The following SLC25A13 variants were observed in gnomAD, a reference collection of about 807,000 sequenced individuals.
SLC25A13 encodes solute carrier family 25 member 13.
A neutral mutation model predicts 85.5 loss-of-function variants in SLC25A13; 70 were observed. The ratio of observed to expected loss-of-function variants is 0.82; its 90% CI spans 0.68 to 1.00. SLC25A13 has a LOEUF of 1.00. Among genes scored for constraint, SLC25A13 ranks in the 50% least tolerant of loss-of-function variants. The pLI is 0.00. For synonymous variants in SLC25A13, 259 were observed against 288.7 expected (o/e 0.90, Z 1.04); for missense variants, 765 against 819.8 (o/e 0.93, Z 0.82).
intron 14 of SLC25A13, among the ~76,000 whole-genome samples, chr7:96,145,374 G>T (rs1022891817): frequency 6.6e-6 from 1 of 152,118 alleles, no homozygotes; most frequent in Non-Finnish European, 1.5e-5. Flanking sequence ...ACTAATTCTG[G>T]ATGTTTACTG....
At chr7:96,282,091 C>A (rs75822102) in intron 2 of SLC25A13, among the ~76,000 whole-genome samples, 3,036 of 152,220 alleles carry the variant, frequency 0.02, 102 homozygotes, top group African/African-American at 0.068. Context: ...TGAGCTGAAG[C>A]CTTCCTCCCT....
intron 11 of SLC25A13, among the ~76,000 whole-genome samples, chr7:96,174,160 A>G (rs1234451735): frequency 6.6e-6 from 1 of 152,218 alleles, no homozygotes; most frequent in Non-Finnish European, 1.5e-5. Flanking sequence ...GGTCCCACTG[A>G]GGCCAGCCTC....
At chr7:96,201,417 C>G (rs1019014415) in intron 5 of SLC25A13, among the ~76,000 whole-genome samples, 2 of 150,180 alleles carry the variant, frequency 1.3e-5, no homozygotes, top group East Asian at 4.0e-4. Flanking sequence ...GAGGCTGAGG[C>G]AGGAGAATCA....
intron 3 of SLC25A13, among the ~76,000 whole-genome samples, chr7:96,258,762 T>A (rs1337482553): frequency 6.6e-6 from 1 of 152,094 alleles, no homozygotes; most frequent in Non-Finnish European, 1.5e-5. Flanking sequence ...GCCAACACAA[T>A]CCTAAGCAAC....
chr7:96,127,290 C>T (rs545130684), intron 15 of SLC25A13, among the ~76,000 whole-genome samples: 2 of 152,266 alleles, frequency 1.3e-5, no homozygotes, highest in East Asian at 3.9e-4. Flanking sequence ...TCAGGACCCC[C>T]GCTTCGGTCT....
chr7:96,187,109 C>T (rs1794671654), intron 9 of SLC25A13, among the ~76,000 whole-genome samples: 1 of 152,162 alleles, frequency 6.6e-6, no homozygotes, highest in Non-Finnish European at 1.5e-5. Flanking sequence ...CAGAGTGCTG[C>T]ACTTCTCTGT....
At chr7:96,286,170 G>A (rs1320782108) in intron 2 of SLC25A13, among the ~76,000 whole-genome samples, 2 of 151,690 alleles carry the variant, frequency 1.3e-5, no homozygotes, top group Non-Finnish European at 2.9e-5. Flanking sequence ...TGTAGTCCCA[G>A]CTACTTGGGA....
At chr7:96,135,598 C>T (rs1288798176) in intron 14 of SLC25A13, among the ~76,000 whole-genome samples, 2 of 152,194 alleles carry the variant, frequency 1.3e-5, no homozygotes, top group Non-Finnish European at 2.9e-5. Context: ...ACCCATTCTC[C>T]AGTACTACAG....
Position 96,288,444 on chromosome 7 carries a change from C to T in SLC25A13, c.69+8454G>A, listed in dbSNP as rs1408458433. On this transcript the variant is annotated intron_variant, in intron 2 of 17. Coordinates refer to ENST00000265631, the MANE Select transcript of SLC25A13 (RefSeq NM_014251.3). ...GGGGCAGGACAGTGGGTGCAGCCCACCAAGTGTGAGCCGAAGCAGGGCGAG... is the reference window on the plus strand; with the variant it reads ...GGGGCAGGACAGTGGGTGCAGCCCATCAAGTGTGAGCCGAAGCAGGGCGAG... 2.0e-5 allele frequency among the ~76,000 whole-genome samples: 3 copies of T among 152,268 alleles called. No homozygotes were observed. The East Asian group carries it at 5.8e-4, about 29-fold the overall frequency.
At chr7:96,256,665 C>G (rs915793899) in intron 3 of SLC25A13, among the ~76,000 whole-genome samples, 1 of 152,128 alleles carries the variant, frequency 6.6e-6, no homozygotes, top group Non-Finnish European at 1.5e-5. Context: ...ATCAAAGAGA[C>G]AGAAAATTAA....
chr7:96,234,926 T>TA lies in SLC25A13; in HGVS notation c.213-10dup, dbSNP rs752612661. 2 of 1,603,552 alleles carry TA rather than the reference T, an allele frequency of 1.2e-6. No homozygotes were observed. The highest frequency in any genetic ancestry group is 1.3e-5 in the African/African-American group (1 of 74,718). On this transcript the variant is annotated splice_polypyrimidine_tract_variant and intron_variant, in intron 3 of 17. Coordinates refer to ENST00000265631, the MANE Select transcript of SLC25A13 (RefSeq NM_014251.3). The stretch of plus-strand genomic sequence containing the variant: ...CTTGAAAAGATATTAATCTGCAACA[T>TA]AAAACAAACATAAAGCAAAAGTCAG...
chr7:96,172,827 C>T (rs1215103351), intron 11 of SLC25A13, among the ~76,000 whole-genome samples: 2 of 152,046 alleles, frequency 1.3e-5, no homozygotes, highest in Non-Finnish European at 1.5e-5. Context: ...GGCGCGATCT[C>T]GGCTCACTGC....
intron 13 of SLC25A13, among the ~76,000 whole-genome samples, chr7:96,161,640 A>G (rs1262226849): frequency 6.6e-6 from 1 of 152,200 alleles, no homozygotes; most frequent in Non-Finnish European, 1.5e-5. Flanking sequence ...TTGTCAGCAC[A>G]AAGTTATGAA....
At chr7:96,221,956 G>T (rs1394465657) in intron 4 of SLC25A13, among the ~76,000 whole-genome samples, 1 of 152,170 alleles carries the variant, frequency 6.6e-6, no homozygotes, top group African/African-American at 2.4e-5. Context: ...CTTAGAAATC[G>T]CCCCGGTTCT....
intron 1 of SLC25A13, 75 bp downstream of exon 1, chr7:96,321,867 G>A (rs1800359750): frequency 1.4e-6 from 2 of 1,466,886 alleles, no homozygotes; most frequent in Admixed American, 2.3e-5. Flanking sequence ...ACCCAGACAC[G>A]TGAGCGCCCG....
intron 11 of SLC25A13, 148 bp from the exon 12 acceptor site, chr7:96,171,672 G>A (rs1794009764): frequency 2.8e-6 from 2 of 710,714 alleles, no homozygotes; most frequent in South Asian, 1.7e-5. Context: ...TATTTGAAAT[G>A]GAATGTTTAA....
intron 5 of SLC25A13, among the ~76,000 whole-genome samples, chr7:96,204,487 C>T (rs993287293): frequency 2.4e-4 from 36 of 151,624 alleles, no homozygotes; most frequent in African/African-American, 8.5e-4. Flanking sequence ...TTGTAGCGAG[C>T]GCTAATGCAC....
intron 4 of SLC25A13, among the ~76,000 whole-genome samples, chr7:96,223,644 T>C (rs10224121): frequency 0.99 from 149,974 of 152,230 alleles, 73,914 homozygotes; most frequent in East Asian, 1. Context: ...AAAAATTAGC[T>C]GGGCGTGGCG....
chr7:96,223,802 A>G, intron 4 of SLC25A13, among the ~76,000 whole-genome samples: 1 of 58,830 alleles, frequency 1.7e-5, no homozygotes, highest in Admixed American at 1.6e-4. Context: ...AAAAAAAAAA[A>G]AAAAAAAAAA....
Sources: allele counts gnomAD v4.1 joint callset (sites outside exome capture counted in the v4.1 genomes callset), GRCh38; gene constraint gnomAD v4.1.1; transcripts MANE v1.5; gene names NCBI Gene and HGNC (gene_info 2026-07-23, HGNC 2026-07-21).